RABGAP1L: variants seen among roughly 807,000 people sequenced by gnomAD.
RABGAP1L encodes rab GTPase-activating protein 1-like.
In RABGAP1L, 63 loss-of-function variants were observed where a neutral mutation model predicts 137.7. The ratio of observed to expected loss-of-function variants is 0.46; its 90% CI spans 0.37 to 0.56. The LOEUF is 0.56. Among genes scored for constraint, RABGAP1L ranks in the 20% least tolerant of loss-of-function variants. The probability of loss-of-function intolerance (pLI) is 0.00; values close to 1 mark genes in which losing one functional copy is unlikely to be tolerated. For missense variants in RABGAP1L, 1,095 were observed against 1,244.0 expected (o/e 0.88, Z 1.80); for synonymous variants, 431 against 433.7 (o/e 0.99, Z 0.08).
chr1:174,957,340 T>A, intron 19 of RABGAP1L, 117 bp from the exon 20 acceptor site: 1 of 751,164 alleles, frequency 1.3e-6, no homozygotes, highest in South Asian at 1.7e-5. Context: ...ATTTTTCTCC[T>A]AACTTTGAGT....
At chr1:174,583,940 G>A (rs970915888) in intron 13 of RABGAP1L, among the ~76,000 whole-genome samples, 5 of 152,160 alleles carry the variant, frequency 3.3e-5, no homozygotes, top group African/African-American at 9.7e-5. Context: ...AAAGCTTGGC[G>A]ACATTGAGTA....
At chr1:174,228,518 A>G (rs558408210) in intron 3 of RABGAP1L, among the ~76,000 whole-genome samples, 133 of 152,276 alleles carry the variant, frequency 8.7e-4, no homozygotes, top group African/African-American at 3.0e-3. Flanking sequence ...AATATAATAC[A>G]AAGTAATTTA....
rs1371452831 is a variant in RABGAP1L, at chr1:174,867,612, T to C, written c.2340+55652T>C. ...ACCTGAGCCTTTGTAATCACATGTT[T>C]GGGTTTAATCATAACTCTCATTTAG... On this transcript the variant is annotated intron_variant, in intron 19 of 25. Transcript: ENST00000681986. Among the ~76,000 whole-genome samples, 6 of 152,164 alleles carry C rather than the reference T, an allele frequency of 3.9e-5. 1 individual carries two copies. Among genetic ancestry groups the C allele is most frequent in the Non-Finnish European group, 2.9e-5 (2 of 68,026 alleles).
At chr1:174,348,359 A>G (rs376933843) in intron 11 of RABGAP1L, among the ~76,000 whole-genome samples, 1 of 150,364 alleles carries the variant, frequency 6.7e-6, no homozygotes, top group East Asian at 2.0e-4. Context: ...AGTAACAAAC[A>G]AGCAAAAAGA....
intron 11 of RABGAP1L, among the ~76,000 whole-genome samples, chr1:174,327,988 T>TATATATATATATATATATACACAC (rs1680644712): frequency 8.8e-5 from 2 of 22,802 alleles, no homozygotes; most frequent in South Asian, 1.5e-3. Context: ...TACACACACA[T>TATATATATATATATATATACACAC]ATATATATAT....
intron 19 of RABGAP1L, among the ~76,000 whole-genome samples, chr1:174,935,887 A>G (rs1352467772): frequency 6.7e-6 from 1 of 149,928 alleles, no homozygotes; most frequent in Non-Finnish European, 1.5e-5. Context: ...AGGCTGAGGC[A>G]GGAGAATCGC....
intron 13 of RABGAP1L, among the ~76,000 whole-genome samples, chr1:174,432,683 G>A (rs1460578683): frequency 2.0e-5 from 3 of 152,090 alleles, no homozygotes; most frequent in Non-Finnish European, 4.4e-5. Flanking sequence ...GACTACAAGC[G>A]TGCGCCTCCA....
chr1:174,869,056 T>A (rs1304350766), intron 19 of RABGAP1L, among the ~76,000 whole-genome samples: 2 of 152,182 alleles, frequency 1.3e-5, no homozygotes, highest in East Asian at 3.8e-4. Context: ...CCTGCCCCAT[T>A]TCTAAAGGTT....
intron 1 of RABGAP1L, among the ~76,000 whole-genome samples, chr1:174,169,453 C>G (rs371926427): frequency 1.3e-5 from 2 of 152,040 alleles, no homozygotes; most frequent in African/African-American, 4.8e-5. Context: ...AACTCCTGAA[C>G]TCGTGATCTG....
At chr1:174,410,513 A>G (rs1373000599) in intron 13 of RABGAP1L, among the ~76,000 whole-genome samples, 2 of 152,102 alleles carry the variant, frequency 1.3e-5, no homozygotes, top group East Asian at 3.9e-4. Context: ...CCCTTTCCCT[A>G]TTGCTTATTT....
At chr1:174,178,251 G>T (rs1666051171) in intron 1 of RABGAP1L, among the ~76,000 whole-genome samples, 1 of 152,126 alleles carries the variant, frequency 6.6e-6, no homozygotes, top group Non-Finnish European at 1.5e-5. Context: ...AATTGTGAAT[G>T]GCCTGATTTG....
Position 174,206,507 on chromosome 1 carries a change from C to A in RABGAP1L, c.-33-12618C>A, listed in dbSNP as rs369100078. On this transcript the variant is annotated intron_variant, in intron 1 of 25. Coordinates refer to ENST00000681986, the MANE Select transcript of RABGAP1L (RefSeq NM_001366446.1). ...GTGTAAGTTAAGAATAGTTCCCTTT[C>A]TACTTTTGTTATGGATCTCCTACAG... Among the ~76,000 whole-genome samples the A allele has an allele frequency of 4.6e-5, 7 of 152,256 alleles. No homozygotes were observed. The East Asian group carries it at 5.8e-4, about 13-fold the overall frequency.
intron 13 of RABGAP1L, among the ~76,000 whole-genome samples, chr1:174,431,600 G>A (rs1448885010): frequency 2.0e-5 from 3 of 152,134 alleles, no homozygotes; most frequent in East Asian, 3.8e-4. Flanking sequence ...TTCTGATACA[G>A]AAGCCTCTAG....
intron 14 of RABGAP1L, among the ~76,000 whole-genome samples, chr1:174,661,212 A>G (rs1676346917): frequency 6.6e-6 from 1 of 152,204 alleles, no homozygotes; most frequent in African/African-American, 2.4e-5. Context: ...GCTGTATATT[A>G]AGGGGCCAAT....
intron 19 of RABGAP1L, among the ~76,000 whole-genome samples, chr1:174,836,049 A>G (rs139065814): frequency 2.7e-4 from 41 of 152,338 alleles, no homozygotes; most frequent in African/African-American, 9.1e-4. Flanking sequence ...AAAAAAATAA[A>G]CTATTATTTT....
intron 13 of RABGAP1L, among the ~76,000 whole-genome samples, chr1:174,550,950 A>ATG (rs1666439159): frequency 1.6e-5 from 2 of 121,474 alleles, no homozygotes; most frequent in African/African-American, 8.0e-5. Context: ...ATATACACAC[A>ATG]TATATATACA....
At chr1:174,556,147 G>A (rs978548641) in intron 13 of RABGAP1L, among the ~76,000 whole-genome samples, 9 of 151,716 alleles carry the variant, frequency 5.9e-5, no homozygotes, top group Admixed American at 6.6e-5. Flanking sequence ...AAAGGTGCCC[G>A]CCACTGTGCC....
At chr1:174,694,514 A>G (rs1234320166) in intron 15 of RABGAP1L, among the ~76,000 whole-genome samples, 9 of 151,626 alleles carry the variant, frequency 5.9e-5, no homozygotes, top group Admixed American at 5.3e-4. Context: ...CCATGTCCCT[A>G]CAAAGGACAT....
At chr1:174,887,713 A>G (rs1655405461) in intron 19 of RABGAP1L, among the ~76,000 whole-genome samples, 2 of 152,118 alleles carry the variant, frequency 1.3e-5, no homozygotes, top group Non-Finnish European at 2.9e-5. Context: ...AGATAAGACT[A>G]CAAAGGAAAT....
Sources: allele counts gnomAD v4.1 joint callset (sites outside exome capture counted in the v4.1 genomes callset), GRCh38; gene constraint gnomAD v4.1.1; transcripts MANE v1.5; gene names NCBI Gene and HGNC (gene_info 2026-07-23, HGNC 2026-07-21).